The following UTRN variants were observed in gnomAD, a reference collection of about 807,000 sequenced individuals.
UTRN encodes utrophin.
Under a neutral mutation model 463.9 loss-of-function variants are expected in UTRN, and 283 were observed. That is an observed-to-expected ratio of 0.61 (90% confidence interval 0.55 to 0.67). The LOEUF is 0.67. Ranked by LOEUF, UTRN falls within the 30% of genes least tolerant of loss-of-function variation. The pLI, the probability that UTRN is intolerant of heterozygous loss-of-function variation, is 0.00. For synonymous variants in UTRN, 1,442 were observed against 1,431.5 expected, an observed-to-expected ratio of 1.01 and a Z score of -0.17; for missense variants, 3,922 against 4,084.3, an observed-to-expected ratio of 0.96 and a Z score of 1.08.
In UTRN at chr6:144,499,302, C is replaced by G. The variant is rs776017031; in HGVS notation, c.4639C>G (p.Arg1547Gly). The change falls in exon 34 of 75, where the codon CGG becomes GGG. Residue 1547 changes from arginine to glycine, a missense_variant. By Grantham distance (125) the Arg-to-Gly change is moderately radical (BLOSUM62 -2). Around this residue, in one of 3 missense-constraint regions of UTRN, gnomAD observed 2,349 missense variants for 2,303.8 expected, o/e 1.02. Transcript: ENST00000367545. Reference protein sequence around the residue: ...QDLERASQLARKMKKEAASLS... With the variant: ...QDLERASQLAGKMKKEAASLS... ...TCTGGAAAGAGCATCACAGTTGGCC[C>G]GGAAAATGAAGAAAGAGGCTGCTTC... The G allele has an allele frequency of 3.7e-6, 6 of 1,612,690 alleles. No homozygotes were observed. The African/African-American group carries it at 6.7e-5, about 18-fold the overall frequency.
rs186447684 is a variant in UTRN at position 144,594,361 on chromosome 6, A to G, written c.7479+17073A>G. Among the ~76,000 whole-genome samples, 4 of 152,240 alleles carry G rather than the reference A, an allele frequency of 2.6e-5. No individual in the cohort carries two copies. In the East Asian group the frequency reaches 7.7e-4, roughly 29 times the overall value. ...ACTGTAGTATCTTTCACTACATCTT[A>G]TGTGCATTTATTTTTGTGGAACTTG... On this transcript the variant is annotated intron_variant, in intron 51 of 74. Coordinates refer to ENST00000367545, the MANE Select transcript of UTRN (RefSeq NM_007124.3).
At chr6:144,290,104 A>G (rs576326279) in intron 1 of UTRN, among the ~76,000 whole-genome samples, 78 of 152,340 alleles carry the variant, frequency 5.1e-4, no homozygotes, top group South Asian at 1.0e-3. Context: ...AGTTGAAGAT[A>G]CCATCACACT....
intron 66 of UTRN, among the ~76,000 whole-genome samples, chr6:144,824,920 C>G (rs1379988543): frequency 6.6e-6 from 1 of 151,770 alleles, no homozygotes; most frequent in Non-Finnish European, 1.5e-5. Flanking sequence ...GAAGCTGGGA[C>G]TATAGGCATC....
At chr6:144,393,347 T>C (rs1584584016) in intron 2 of UTRN, among the ~76,000 whole-genome samples, 1 of 152,348 alleles carries the variant, frequency 6.6e-6, no homozygotes, top group African/African-American at 2.4e-5. Flanking sequence ...AACTTTAAAA[T>C]GTGCATGGAA....
At chr6:144,486,886 G>T (rs1338926765) in intron 28 of UTRN, among the ~76,000 whole-genome samples, 2 of 152,146 alleles carry the variant, frequency 1.3e-5, no homozygotes, top group African/African-American at 2.4e-5. Flanking sequence ...CTGTGTGTAT[G>T]TAGGCAAGTA....
At chr6:144,561,258 T>C (rs111895467) in intron 50 of UTRN, among the ~76,000 whole-genome samples, 41,157 of 78,766 alleles carry the variant, frequency 0.52, 9,452 homozygotes, top group East Asian at 0.69. Flanking sequence ...TATATATATA[T>C]ATACATACAC....
At chr6:144,821,144 G>C in intron 66 of UTRN, 126 bp downstream of exon 66, 1 of 1,201,104 alleles carries the variant, frequency 8.3e-7, no homozygotes, top group East Asian at 2.7e-5. Flanking sequence ...ATTAAACTTG[G>C]AATCAGTCTT....
chr6:144,615,751 T>TG (rs1415386569), intron 51 of UTRN, among the ~76,000 whole-genome samples: 1 of 151,996 alleles, frequency 6.6e-6, no homozygotes, highest in Non-Finnish European at 1.5e-5. Context: ...GTGTTGTTTT[T>TG]GCTTCTAGTA....
intron 1 of UTRN, among the ~76,000 whole-genome samples, chr6:144,288,926 G>A (rs954564162): frequency 2.6e-5 from 4 of 152,172 alleles, no homozygotes; most frequent in African/African-American, 9.6e-5. Context: ...ACCATGCCTG[G>A]CTAATTTTTA....
intron 2 of UTRN, among the ~76,000 whole-genome samples, chr6:144,341,381 T>C (rs1777128342): frequency 6.6e-6 from 1 of 152,204 alleles, no homozygotes; most frequent in South Asian, 2.1e-4. Flanking sequence ...AATCCTAAGA[T>C]AGAATGTTTT....
At chr6:144,577,002 G>A (rs970271967) in intron 50 of UTRN, 97 bp from the exon 51 acceptor site, 9 of 1,199,454 alleles carry the variant, frequency 7.5e-6, no homozygotes, top group Non-Finnish European at 9.4e-6. Context: ...AAGGTCCTTT[G>A]GGGGCTGCCT....
chr6:144,410,215 C>CT (rs1231074533), intron 3 of UTRN, among the ~76,000 whole-genome samples: 7 of 152,156 alleles, frequency 4.6e-5, no homozygotes, highest in African/African-American at 1.7e-4. Context: ...TTTTATTTAC[C>CT]TTTACACTAT....
chr6:144,470,620 G>A (rs999759211), intron 23 of UTRN, among the ~76,000 whole-genome samples: 4 of 152,066 alleles, frequency 2.6e-5, no homozygotes, highest in African/African-American at 4.8e-5. Flanking sequence ...CTTCTTAGAC[G>A]GGGTGGCGGC....
At chr6:144,733,744 C>T (rs746774672) in intron 54 of UTRN, among the ~76,000 whole-genome samples, 1 of 152,022 alleles carries the variant, frequency 6.6e-6, no homozygotes, top group Non-Finnish European at 1.5e-5. Context: ...TGGTTAAGAG[C>T]CTTAGAGATG....
At chr6:144,504,830 A>T (rs1448932875) in intron 34 of UTRN, among the ~76,000 whole-genome samples, 2 of 152,226 alleles carry the variant, frequency 1.3e-5, no homozygotes, top group Non-Finnish European at 1.5e-5. Flanking sequence ...TTTCAGAAGG[A>T]ATGGTACCAG....
At chr6:144,626,537 A>G (rs571932731) in intron 51 of UTRN, among the ~76,000 whole-genome samples, 2 of 152,352 alleles carry the variant, frequency 1.3e-5, no homozygotes, top group East Asian at 1.9e-4. Flanking sequence ...AAAAATCGGT[A>G]GATTTGGTTA....
At chr6:144,603,727 T>G (rs914802847) in intron 51 of UTRN, among the ~76,000 whole-genome samples, 1 of 152,150 alleles carries the variant, frequency 6.6e-6, no homozygotes, top group Non-Finnish European at 1.5e-5. Context: ...AAGTAGACAT[T>G]CCAATGATTT....
intron 19 of UTRN, among the ~76,000 whole-genome samples, chr6:144,458,007 A>G (rs1448028049): frequency 2.0e-5 from 3 of 152,234 alleles, no homozygotes; most frequent in East Asian, 3.8e-4. Flanking sequence ...GGGAAGGACT[A>G]TGATAAAACC....
chr6:144,602,935 CT>C (rs1246065806), intron 51 of UTRN, among the ~76,000 whole-genome samples: 1 of 152,154 alleles, frequency 6.6e-6, no homozygotes, highest in Non-Finnish European at 1.5e-5. Context: ...TTTTTATGCA[CT>C]GGGAAACCAA....
Sources: gnomAD v4.1 joint callset for allele counts (sites outside exome capture counted in the v4.1 genomes callset) on GRCh38, gnomAD v4.1.1 for gene constraint, gnomAD v4.1.1 regional missense constraint, MANE v1.5 for transcripts, NCBI Gene and HGNC (gene_info 2026-07-23, HGNC 2026-07-21) for gene names.